RAB44: variants seen among roughly 807,000 people sequenced by gnomAD.
The protein encoded by RAB44 is ras-related protein Rab-44.
In RAB44, 67 loss-of-function variants were observed where a neutral mutation model predicts 93.3. The ratio of observed to expected loss-of-function variants is 0.72; its 90% CI spans 0.59 to 0.88. The LOEUF is 0.88. Among genes scored for constraint, RAB44 ranks in the 40% least tolerant of loss-of-function variants. The pLI, the probability that RAB44 is intolerant of heterozygous loss-of-function variation, is 0.00. For missense variants in RAB44, 1,064 were observed against 1,261.7 expected (o/e 0.84, Z 2.37); for synonymous variants, 427 against 520.3 (o/e 0.82, Z 2.44).
chr6:36,713,753 C>A, intron 2 of RAB44, 75 bp from the exon 3 acceptor site: 1 of 934,794 alleles, frequency 1.1e-6, no homozygotes, highest in Non-Finnish European at 1.7e-6. Flanking sequence ...TGGCTGAAGA[C>A]AAACATCTCT....
Position 36,728,681 on chromosome 6 carries a change from G to C in RAB44, c.2797-19G>C, listed in dbSNP as rs1409743851. The C allele has an allele frequency of 5.2e-6, 8 of 1,547,278 alleles. No homozygotes were observed. The East Asian group carries it at 1.5e-4, about 28-fold the overall frequency. On this transcript the variant is annotated intron_variant, in intron 11 of 13. Transcript: ENST00000612677. ...TGGCACACAGTGGGTGTGGCTGACA[G>C]AACATGTTCTGTGTGCAGGATGCAG...
At chr6:36,728,588 G>A (rs1763290285) in intron 11 of RAB44, 112 bp from the exon 12 acceptor site, 1 of 770,472 alleles carries the variant, frequency 1.3e-6, no homozygotes, top group East Asian at 2.7e-5. Context: ...TGGAGTGGAT[G>A]TGGCCTGGGA....
intron 2 of RAB44, among the ~76,000 whole-genome samples, chr6:36,709,167 T>A (rs1466111503): frequency 6.6e-6 from 1 of 152,064 alleles, no homozygotes; most frequent in Non-Finnish European, 1.5e-5. Flanking sequence ...ACCAGGCTGG[T>A]CTTGAACTCC....
Position 36,717,295 on chromosome 6 carries a change from T to G in RAB44, c.517T>G (p.Trp173Gly). Reference protein sequence around the residue: ...LPKQMEIWQLWGQLRQEEPQL... With the variant: ...LPKQMEIWQLGGQLRQEEPQL... ...CAGGCAGATGGAAATCTGGCAACTG[T>G]GGGGGCAGCTGCGGCAGGAGGAGCC... Residue 173 changes from tryptophan (W) to glycine (G), a missense_variant, in exon 5 of 14, where the codon TGG becomes GGG. By Grantham distance (184) the Trp-to-Gly change is radical. Transcript: ENST00000612677. The surrounding 1 kb of genome is among the most constrained non-coding windows in gnomAD (Gnocchi z 4.1). The G allele has an allele frequency of 5.7e-6, 7 of 1,231,948 alleles. No homozygotes were observed. In the South Asian group the frequency reaches 2.9e-4, roughly 51 times the overall value. 76.3% of individuals were successfully genotyped at this position (1,231,948 alleles called of 1,614,324 possible).
At chr6:36,705,132 A>G (rs1762614083) in intron 2 of RAB44, among the ~76,000 whole-genome samples, 1 of 150,198 alleles carries the variant, frequency 6.7e-6, no homozygotes, top group Non-Finnish European at 1.5e-5. Context: ...AAAAAAGAAG[A>G]ATGAGGGAAC....
chr6:36,719,973 T>C (rs1763028937), intron 7 of RAB44, among the ~76,000 whole-genome samples: 1 of 152,168 alleles, frequency 6.6e-6, no homozygotes, highest in Non-Finnish European at 1.5e-5. Context: ...GGCCAAGCAA[T>C]GCTCCCTCTC....
Position 36,730,713 on chromosome 6 carries a change from G to C in RAB44, c.2939G>C (p.Gly980Ala), listed in dbSNP as rs866839576. 5.3e-5 allele frequency: 65 copies of C among 1,234,206 alleles called. No individual in the cohort carries two copies. In the Middle Eastern group the frequency reaches 1.3e-3, roughly 24 times the overall value. The allele number at this position is 1,234,206 out of a possible 1,614,324, so 76.5% of individuals were successfully genotyped here. A position where few individuals can be genotyped will look rare whatever the true frequency, so the allele number is the denominator to read the frequency against. Reference protein sequence around the residue: ...VYFGECSAALGHNILEPVVNL... With the variant: ...VYFGECSAALAHNILEPVVNL... ...TTTGGGGAGTGCAGTGCCGCCTTGG[G>C]TCACAACATCCTGGAGCCTGTAGTA... Residue 980 changes from glycine to alanine, a missense_variant, in exon 13 of 14, where the codon GGT becomes GCT. Gly to Ala is a moderately conservative substitution (Grantham distance 60). Coordinates refer to ENST00000612677, the MANE Select transcript of RAB44 (RefSeq NM_001257357.2).
chr6:36,724,404 G>A (rs1763181462), intron 9 of RAB44, among the ~76,000 whole-genome samples: 1 of 151,980 alleles, frequency 6.6e-6, no homozygotes, highest in East Asian at 1.9e-4. Context: ...TGATCTGCCC[G>A]CCTCAGCCTC....
In RAB44 at chr6:36,722,248, C is replaced by G; in HGVS notation, c.2114C>G (p.Thr705Ser). Residue 705 changes from threonine (T) to serine (S), a missense_variant, in exon 9 of 14, where the codon ACT becomes AGT. Transcript: ENST00000612677. ...TCGGTTGAGGCTCACGGCCTAGAAA[C>G]TGCGCATTCGGAACTCCCCCAGCAA... ...EQSVEAHGLE[T>S]AHSELPQQDS... 1 of 1,274,276 alleles carries G rather than the reference C, an allele frequency of 7.8e-7. No individual in the cohort carries two copies. The highest frequency in any genetic ancestry group is 9.9e-7 in the Non-Finnish European group (1 of 1,011,932). The allele number at this position is 1,274,276 out of a possible 1,614,324, so 78.9% of individuals were successfully genotyped here. A position where few individuals can be genotyped will look rare whatever the true frequency, so the allele number is the denominator to read the frequency against.
chr6:36,700,952 G>T (rs1582603754), intron 1 of RAB44, among the ~76,000 whole-genome samples: 1 of 152,164 alleles, frequency 6.6e-6, no homozygotes, highest in South Asian at 2.1e-4. Context: ...CCCAAGAAGG[G>T]GTATCTATGT....
At chr6:36,719,634 A>G (rs185409425) in intron 7 of RAB44, among the ~76,000 whole-genome samples, 23 of 152,338 alleles carry the variant, frequency 1.5e-4, no homozygotes, top group Admixed American at 7.8e-4. Context: ...GGGGGATAGA[A>G]GAGTCGTAGG....
intron 4 of RAB44, among the ~76,000 whole-genome samples, chr6:36,716,253 T>A (rs1034468312): frequency 6.6e-6 from 1 of 151,996 alleles, no homozygotes; most frequent in Non-Finnish European, 1.5e-5. Context: ...GTGGATCACC[T>A]GAGGTCGGGG....
Position 36,728,784 on chromosome 6 carries a change from G to A in RAB44, c.2881G>A (p.Gly961Arg). 6.4e-7 allele frequency: 1 copy of A among 1,550,558 alleles called. No homozygotes were observed. Among genetic ancestry groups the A allele is most frequent in the Admixed American group, 2.0e-5 (1 of 51,010 alleles). The part of the protein sequence containing the change: ...EEERQVSVEA[G>R]QQLAQELGVY... ...GGAACGGCAAGTGTCCGTGGAAGCT[G>A]GGCAGCAACTGGCCCAGGTAAGCAC... The change falls in exon 12 of 14, where the codon GGG becomes AGG. Residue 961 changes from glycine to arginine, a missense_variant. Coordinates refer to ENST00000612677, the MANE Select transcript of RAB44 (RefSeq NM_001257357.2).
In RAB44 at chr6:36,732,427, G is replaced by GC. The variant is rs1763384620; in HGVS notation, c.*334_*335insC. On this transcript the variant is annotated 3_prime_UTR_variant, in exon 14 of 14. Transcript: ENST00000612677. ...AAATTTTAGGGAGAATGTGGGGGGGGGGTGTTACTTTCCATTTTACACATA... is the reference window on the plus strand; with the variant it reads ...AAATTTTAGGGAGAATGTGGGGGGGGCGGTGTTACTTTCCATTTTACACATA... The GC allele has an allele frequency of 5.4e-6, 1 of 184,734 alleles. No homozygotes were observed. Among genetic ancestry groups the GC allele is most frequent in the African/African-American group, 2.4e-5 (1 of 41,384 alleles). 11.4% of individuals were successfully genotyped at this position (184,734 alleles called of 1,614,324 possible).
In RAB44 at chr6:36,731,870, G is replaced by A; in HGVS notation, c.2976-133G>A. On this transcript the variant is annotated intron_variant, in intron 13 of 13. Coordinates refer to ENST00000612677, the MANE Select transcript of RAB44 (RefSeq NM_001257357.2). This position sits in a 1 kb window ranked among gnomAD's most constrained non-coding sequence, Gnocchi z 4.0. ...GACTCAATTCTTCGGGTCTCATGTG[G>A]AATGCAGGGCAGGGGCAGAGCTGTT... is the stretch of plus-strand genomic sequence containing the variant. 4.5e-6 allele frequency: 2 copies of A among 440,370 alleles called. No individual in the cohort carries two copies. The highest frequency in any genetic ancestry group is 7.5e-6 in the Non-Finnish European group (2 of 266,002). The allele number at this position is 440,370 out of a possible 1,614,324, so 27.3% of individuals were successfully genotyped here.
intron 6 of RAB44, 42 bp downstream of exon 6, chr6:36,718,160 G>T: frequency 8.3e-7 from 1 of 1,198,676 alleles, no homozygotes; most frequent in Non-Finnish European, 1.0e-6. Context: ...CACTGCCCGG[G>T]ACACCTCTGC....
intron 2 of RAB44, among the ~76,000 whole-genome samples, chr6:36,712,417 T>G (rs1398733633): frequency 6.6e-6 from 1 of 152,168 alleles, no homozygotes; most frequent in African/African-American, 2.4e-5. Context: ...CAGGCTAGAG[T>G]GCAGTGGTGC....
intron 12 of RAB44, among the ~76,000 whole-genome samples, chr6:36,729,127 G>A (rs236468): frequency 0.36 from 54,671 of 152,072 alleles, 10,061 homozygotes; most frequent in Middle Eastern, 0.41. Context: ...AAAAGGTTTT[G>A]AAAGCTTTGC....
chr6:36,703,777 G>C (rs1420562854), intron 1 of RAB44, among the ~76,000 whole-genome samples: 1 of 152,150 alleles, frequency 6.6e-6, no homozygotes, highest in Non-Finnish European at 1.5e-5. Context: ...ATGAGTTAAT[G>C]AGCAAGAAGA....
Sources: allele counts gnomAD v4.1 joint callset (sites outside exome capture counted in the v4.1 genomes callset), GRCh38; gene constraint gnomAD v4.1.1; non-coding constraint Gnocchi (gnomAD v3.1); transcripts MANE v1.5; gene names NCBI Gene and HGNC (gene_info 2026-07-23, HGNC 2026-07-21).